TMEM232: variants seen among roughly 807,000 people sequenced by gnomAD.
TMEM232 encodes transmembrane protein 232.
Under a neutral mutation model 78.8 loss-of-function variants are expected in TMEM232, and 80 were observed. The observed-to-expected ratio is 1.01, with a 90% CI of 0.85 to 1.22. The LOEUF (loss-of-function observed/expected upper bound fraction) is 1.22. TMEM232 is among the 50% of genes most tolerant of loss of function. The probability of loss-of-function intolerance (pLI) is 0.00; values close to 1 mark genes in which losing one functional copy is unlikely to be tolerated. For synonymous variants in TMEM232, 297 were observed against 254.3 expected (o/e 1.17, Z -1.60); for missense variants, 881 against 742.2 (o/e 1.19, Z -2.17).
downstream of TMEM232, among the ~76,000 whole-genome samples, chr5:110,414,521 T>C (rs1756116982): frequency 6.6e-6 from 1 of 152,230 alleles, no homozygotes; most frequent in Admixed American, 6.5e-5. Context: ...ATTTTAACTA[T>C]AAAGAGAAAA....
At chr5:110,687,421 G>A (rs1487223706) in intron 1 of TMEM232, among the ~76,000 whole-genome samples, 1 of 151,776 alleles carries the variant, frequency 6.6e-6, no homozygotes, top group African/African-American at 2.4e-5. Flanking sequence ...TTTTCCTTTA[G>A]GTTGATATTC....
At chr5:110,610,551 A>G in intron 8 of TMEM232, 1 of 456,304 alleles carries the variant, frequency 2.2e-6, no homozygotes, top group Non-Finnish European at 4.4e-6. Context: ...AGAGCTTCTC[A>G]AAGTGAAGTT....
intron 11 of TMEM232, among the ~76,000 whole-genome samples, chr5:110,554,139 T>G (rs1023747278): frequency 3.3e-5 from 5 of 152,112 alleles, no homozygotes; most frequent in African/African-American, 9.7e-5. Context: ...TCTGTGAGGG[T>G]GTTGCCAAAG....
chr5:110,580,988 T>A (rs1405835459), intron 10 of TMEM232, among the ~76,000 whole-genome samples: 1 of 151,362 alleles, frequency 6.6e-6, no homozygotes, highest in African/African-American at 2.4e-5. Flanking sequence ...AGGAGAACTA[T>A]AAAACACTGC....
intron 11 of TMEM232, among the ~76,000 whole-genome samples, chr5:110,550,726 T>C (rs2149611950): frequency 6.6e-6 from 1 of 152,052 alleles, no homozygotes. Flanking sequence ...ATCCATGAAT[T>C]ACCTATTATA....
intron 11 of TMEM232, among the ~76,000 whole-genome samples, chr5:110,545,995 A>G (rs550250246): frequency 1.7e-3 from 261 of 152,256 alleles, no homozygotes; most frequent in African/African-American, 5.8e-3. Flanking sequence ...AGTATATGAC[A>G]GTTTTTTTAT....
chr5:110,672,321 A>T (rs961800849), intron 1 of TMEM232, among the ~76,000 whole-genome samples: 2 of 152,190 alleles, frequency 1.3e-5, no homozygotes, highest in Non-Finnish European at 2.9e-5. Flanking sequence ...CCTGTTAAAG[A>T]AACTTCTCCA....
chr5:110,448,475 T>G (rs574727230), intron 12 of TMEM232, among the ~76,000 whole-genome samples: 2 of 152,194 alleles, frequency 1.3e-5, no homozygotes, highest in Non-Finnish European at 2.9e-5. Flanking sequence ...AGACTAGCAG[T>G]GAACACTCAA....
intron 12 of TMEM232, among the ~76,000 whole-genome samples, chr5:110,491,675 C>T (rs1765113270): frequency 6.6e-6 from 1 of 151,698 alleles, no homozygotes; most frequent in Non-Finnish European, 1.5e-5. Flanking sequence ...TAGAAACCTT[C>T]CATTAATTCA....
At chr5:110,492,786 T>C (rs767614896) in intron 12 of TMEM232, among the ~76,000 whole-genome samples, 65 of 152,012 alleles carry the variant, frequency 4.3e-4, no homozygotes, top group Non-Finnish European at 1.0e-4. Flanking sequence ...AAATTGATTA[T>C]ATATAAGGTA....
At chr5:110,504,892 T>C (rs989411074) in intron 12 of TMEM232, among the ~76,000 whole-genome samples, 1 of 152,224 alleles carries the variant, frequency 6.6e-6, no homozygotes, top group East Asian at 1.9e-4. Flanking sequence ...CCCAGGCAAG[T>C]TGACACATAA....
At chr5:110,445,171 G>C (rs1024283455) in intron 12 of TMEM232, among the ~76,000 whole-genome samples, 4 of 150,828 alleles carry the variant, frequency 2.7e-5, no homozygotes, top group African/African-American at 7.3e-5. Flanking sequence ...TTTTCTGATT[G>C]CCTTCTACAT....
At chr5:110,590,123 A>C (rs1402608379) in intron 10 of TMEM232, among the ~76,000 whole-genome samples, 1 of 152,154 alleles carries the variant, frequency 6.6e-6, no homozygotes, top group Non-Finnish European at 1.5e-5. Flanking sequence ...GCATATAAAA[A>C]ATTTTCTATT....
intron 12 of TMEM232, among the ~76,000 whole-genome samples, chr5:110,464,110 TAGC>T (rs2149360150): frequency 6.6e-6 from 1 of 152,348 alleles, no homozygotes; most frequent in Admixed American, 6.5e-5. Flanking sequence ...ACTTCTTTCA[TAGC>T]AGTTCTCACA....
chr5:110,498,255 C>A (rs1344245047), intron 12 of TMEM232, among the ~76,000 whole-genome samples: 1 of 152,052 alleles, frequency 6.6e-6, no homozygotes, highest in Admixed American at 6.6e-5. Flanking sequence ...TTCCCTGTAG[C>A]TGCCTCATTT....
intron 11 of TMEM232, among the ~76,000 whole-genome samples, chr5:110,561,378 T>G (rs1305282269): frequency 6.6e-6 from 1 of 151,828 alleles, no homozygotes; most frequent in Non-Finnish European, 1.5e-5. Flanking sequence ...CCATAATGTG[T>G]GTGTGTGTGT....
intron 7 of TMEM232, among the ~76,000 whole-genome samples, chr5:110,622,832 G>C (rs1783925982): frequency 6.7e-6 from 1 of 150,056 alleles, no homozygotes; most frequent in African/African-American, 2.5e-5. Context: ...TCACACTCTG[G>C]GGAATGTTGT....
At chr5:110,637,530 A>T (rs1383407475) in intron 5 of TMEM232, among the ~76,000 whole-genome samples, 1 of 151,910 alleles carries the variant, frequency 6.6e-6, no homozygotes, top group East Asian at 1.9e-4. Flanking sequence ...ATTTCTGCAT[A>T]ATCAATTTAA....
chr5:110,540,091 C>A (rs1470158649), intron 11 of TMEM232, among the ~76,000 whole-genome samples: 1 of 152,204 alleles, frequency 6.6e-6, no homozygotes, highest in African/African-American at 2.4e-5. Context: ...TAAAAATAGG[C>A]TCTCACCCAG....
Sources: allele counts gnomAD v4.1 joint callset (sites outside exome capture counted in the v4.1 genomes callset), GRCh38; gene constraint gnomAD v4.1.1; transcripts MANE v1.5; gene names NCBI Gene and HGNC (gene_info 2026-07-23, HGNC 2026-07-21).